SNTG1: variants seen among roughly 807,000 people sequenced by gnomAD.
The protein encoded by SNTG1 is syntrophin gamma 1, also known as gamma-1-syntrophin.
Under a neutral mutation model 74.7 loss-of-function variants are expected in SNTG1, and 39 were observed. The observed-to-expected ratio is 0.52, with a 90% CI of 0.40 to 0.68. The LOEUF (loss-of-function observed/expected upper bound fraction) is 0.68. Ranked by LOEUF, SNTG1 falls within the 30% of genes least tolerant of loss-of-function variation. SNTG1 has a pLI of 0.00. For missense variants in SNTG1, 685 were observed against 609.5 expected (o/e 1.12, Z -1.30); for synonymous variants, 254 against 217.1 (o/e 1.17, Z -1.49).
intron 1 of SNTG1, among the ~76,000 whole-genome samples, chr8:50,110,004 T>C (rs980219028): frequency 1.3e-5 from 2 of 152,172 alleles, no homozygotes; most frequent in African/African-American, 4.8e-5. Flanking sequence ...GAATTCTCTC[T>C]TACTCTCTGT....
At chr8:50,273,615 A>T (rs1019163607) in intron 2 of SNTG1, among the ~76,000 whole-genome samples, 5 of 152,246 alleles carry the variant, frequency 3.3e-5, no homozygotes, top group Non-Finnish European at 5.9e-5. Context: ...ATAGGAGCAG[A>T]TGCATGATGC....
At chr8:50,305,187 CAT>C (rs2089835061) in intron 2 of SNTG1, among the ~76,000 whole-genome samples, 3 of 152,130 alleles carry the variant, frequency 2.0e-5, no homozygotes, top group Admixed American at 6.6e-5. Context: ...AGGAGTTGGT[CAT>C]AGTCTTTATA....
rs932148933 is a variant in SNTG1, at chr8:49,941,660, C to T, written c.-103+29429C>T. On this transcript the variant is annotated intron_variant, in intron 1 of 18. Transcript: ENST00000642720. ...AGCCCCTCTGGGCTCTGGCTGCCTGCCTGCCTTGAAGTCTGGCTGATGTTC... is the reference window on the plus strand; with the variant it reads ...AGCCCCTCTGGGCTCTGGCTGCCTGTCTGCCTTGAAGTCTGGCTGATGTTC... Among the ~76,000 whole-genome samples the T allele has an allele frequency of 2.0e-5, 3 of 152,030 alleles. No homozygotes were observed. The East Asian group carries it at 5.8e-4, about 29-fold the overall frequency.
intron 13 of SNTG1, among the ~76,000 whole-genome samples, chr8:50,626,700 G>A (rs1269480632): frequency 2.0e-5 from 3 of 152,172 alleles, no homozygotes; most frequent in African/African-American, 7.2e-5. Flanking sequence ...ATGCCTTTAA[G>A]CGGTTTTCTG....
intron 1 of SNTG1, among the ~76,000 whole-genome samples, chr8:50,018,180 A>G (rs1339084191): frequency 2.0e-5 from 3 of 152,008 alleles, no homozygotes; most frequent in South Asian, 2.1e-4. Flanking sequence ...TAAAATTTGT[A>G]TGGAAAGATA....
chr8:50,554,507 T>C (rs1301796723), intron 12 of SNTG1, among the ~76,000 whole-genome samples: 1 of 150,290 alleles, frequency 6.7e-6, no homozygotes, highest in Non-Finnish European at 1.5e-5. Context: ...GGTTCCAGGA[T>C]AGGTGTAAAT....
At chr8:50,002,678 G>C (rs1406842300) in intron 1 of SNTG1, among the ~76,000 whole-genome samples, 1 of 152,044 alleles carries the variant, frequency 6.6e-6, no homozygotes, top group East Asian at 1.9e-4. Flanking sequence ...AAATCAGGTT[G>C]ATATGAATGT....
intron 1 of SNTG1, among the ~76,000 whole-genome samples, chr8:50,100,630 T>C (rs1160894251): frequency 6.6e-6 from 1 of 152,130 alleles, no homozygotes; most frequent in Non-Finnish European, 1.5e-5. Flanking sequence ...GACAAACTTT[T>C]GAGGTAAGGC....
chr8:50,788,965 C>T (rs894892864), intron 18 of SNTG1, among the ~76,000 whole-genome samples: 9 of 152,086 alleles, frequency 5.9e-5, no homozygotes, highest in Non-Finnish European at 1.2e-4. Context: ...GATATCTCAA[C>T]CATTTCATGC....
At chr8:49,988,080 G>C (rs1813342543) in intron 1 of SNTG1, among the ~76,000 whole-genome samples, 2 of 152,164 alleles carry the variant, frequency 1.3e-5, no homozygotes, top group South Asian at 4.1e-4. Flanking sequence ...GCTGTGACTT[G>C]TGAGGAGTGA....
intron 18 of SNTG1, among the ~76,000 whole-genome samples, chr8:50,790,436 G>A (rs565093771): frequency 1.7e-4 from 26 of 151,978 alleles, no homozygotes; most frequent in African/African-American, 3.1e-4. Flanking sequence ...AAACTTGTAA[G>A]TCTGTGACTT....
At chr8:50,233,382 C>G (rs1017161014) in intron 2 of SNTG1, among the ~76,000 whole-genome samples, 1 of 151,606 alleles carries the variant, frequency 6.6e-6, no homozygotes, top group Non-Finnish European at 1.5e-5. Flanking sequence ...TTGATTTAAA[C>G]TTCACTCCTC....
rs371861386 is a variant in SNTG1 at position 50,230,566 on chromosome 8, A to C, written c.-28+57931A>C. Among the ~76,000 whole-genome samples the C allele has an allele frequency of 2.2e-4, 34 of 151,532 alleles. No individual in the cohort carries two copies. In the East Asian group the frequency reaches 3.1e-3, roughly 14 times the overall value. On this transcript the variant is annotated intron_variant, in intron 2 of 18. Transcript: ENST00000642720. ...AGGAAATAGAAAGTATAACATAAAA[A>C]CTTCTCAAAAAAGCAATCTATAGGA...
chr8:50,594,660 G>A (rs574473384), intron 13 of SNTG1, among the ~76,000 whole-genome samples: 5 of 152,054 alleles, frequency 3.3e-5, no homozygotes, highest in African/African-American at 4.8e-5. Context: ...GGAGAATTAG[G>A]GAATTACAGG....
chr8:50,669,146 A>T (rs2095265505), intron 15 of SNTG1, among the ~76,000 whole-genome samples: 1 of 152,084 alleles, frequency 6.6e-6, no homozygotes, highest in Admixed American at 6.6e-5. Context: ...GCGAGAGCAA[A>T]CACATTCAAA....
At position 50,449,739 on chromosome 8, in the gene SNTG1, A is replaced by C; in HGVS notation, c.277+14A>C. 1.3e-6 allele frequency: 2 copies of C among 1,569,432 alleles called. No homozygotes were observed. The highest frequency in any genetic ancestry group is 1.7e-6 in the Non-Finnish European group (2 of 1,155,408). ...AGGAACAAAGAGGTAATATGTTTAG[A>C]GAATTGTGTACCAGCCATTTCTTTA... On this transcript the variant is annotated intron_variant, in intron 6 of 18. Coordinates refer to ENST00000642720, the MANE Select transcript of SNTG1 (RefSeq NM_018967.5).
At chr8:50,173,909 T>C (rs1323565063) in intron 2 of SNTG1, among the ~76,000 whole-genome samples, 3 of 152,278 alleles carry the variant, frequency 2.0e-5, no homozygotes, top group Non-Finnish European at 2.9e-5. Context: ...CCATGGTGGT[T>C]TGTTGCACCT....
chr8:49,910,573 G>T (rs940230429), upstream of SNTG1, among the ~76,000 whole-genome samples: 1 of 152,178 alleles, frequency 6.6e-6, no homozygotes, highest in African/African-American at 2.4e-5. Context: ...CCGTTGCCGA[G>T]TGTGGGTGGC....
chr8:50,218,467 A>G (rs1258221810), intron 2 of SNTG1, among the ~76,000 whole-genome samples: 1 of 152,198 alleles, frequency 6.6e-6, no homozygotes, highest in Non-Finnish European at 1.5e-5. Flanking sequence ...CCTGCATTAT[A>G]TGTTCTTAGA....
Sources: allele counts gnomAD v4.1 joint callset (sites outside exome capture counted in the v4.1 genomes callset), GRCh38; gene constraint gnomAD v4.1.1; transcripts MANE v1.5; gene names NCBI Gene and HGNC (gene_info 2026-07-23, HGNC 2026-07-21).